Variants in LRRC37A2 observed in about 807,000 individuals in gnomAD.
LRRC37A2 encodes the protein leucine-rich repeat-containing protein 37A2.
A neutral mutation model predicts 68.8 loss-of-function variants in LRRC37A2; 9 were observed. That is an observed-to-expected ratio of 0.13 (90% CI 0.08 to 0.23). The LOEUF is 0.23. Among genes scored for constraint, LRRC37A2 ranks in the 10% least tolerant of loss-of-function variants. The probability of loss-of-function intolerance (pLI) is 1.00; values close to 1 mark genes in which losing one functional copy is unlikely to be tolerated. For missense variants in LRRC37A2, 168 were observed against 950.4 expected, an observed-to-expected ratio of 0.18 and a Z score of 10.82; for synonymous variants, 63 against 367.6, an observed-to-expected ratio of 0.17 and a Z score of 9.48.
At chr17:46,676,239 T>C in the LRRC37A2 span, among the ~76,000 whole-genome samples, 12,767 of 142,118 alleles carry the variant, frequency 0.09, no homozygotes, top group Non-Finnish European at 0.14. Flanking sequence ...TCTTCTTTTT[T>C]TTTTTTTTTT....
At chr17:46,970,998 A>G in the LRRC37A2 span, among the ~76,000 whole-genome samples, 1 of 152,230 alleles carries the variant, frequency 6.6e-6, no homozygotes, top group Non-Finnish European at 1.5e-5. Context: ...GAATGTGGCT[A>G]CTGTTTGCCA....
the LRRC37A2 span, among the ~76,000 whole-genome samples, chr17:46,760,435 A>C: frequency 6.6e-6 from 1 of 151,758 alleles, no homozygotes; most frequent in Non-Finnish European, 1.5e-5. Flanking sequence ...GTTCAAGACC[A>C]GCCTGAGCAA....
At chr17:46,850,140 G>A in the LRRC37A2 span, among the ~76,000 whole-genome samples, 5 of 152,164 alleles carry the variant, frequency 3.3e-5, no homozygotes, top group African/African-American at 9.7e-5. Flanking sequence ...ATGAGCCAAC[G>A]TGCCTGGCCA....
At chr17:46,885,033 G>C in the LRRC37A2 span, 2 of 438,994 alleles carry the variant, frequency 4.6e-6, no homozygotes, top group South Asian at 3.3e-5. Flanking sequence ...TTGTTGCGCA[G>C]GTTGGAGTGC....
downstream of LRRC37A2, chr17:46,558,785 T>C (rs1193605626): frequency 2.2e-5 from 3 of 134,712 alleles, no homozygotes; most frequent in African/African-American, 8.5e-5. Flanking sequence ...GCCTCCCTTC[T>C]AACTCACACT....
At chr17:46,818,630 G>C in the LRRC37A2 span, 4 of 1,562,390 alleles carry the variant, frequency 2.6e-6, no homozygotes, top group Non-Finnish European at 3.5e-6. Flanking sequence ...GTTTGCCCGC[G>C]ACCATGAAGA....
chr17:46,534,203 T>G (rs1393904356), intron 6 of LRRC37A2, among the ~76,000 whole-genome samples: 1 of 138,334 alleles, frequency 7.2e-6, no homozygotes, highest in East Asian at 2.0e-4. Context: ...TTTTGTTTTT[T>G]TTAATTTTTT....
At chr17:46,722,168 G>A in the LRRC37A2 span, 1 of 1,611,408 alleles carries the variant, frequency 6.2e-7, no homozygotes, top group Non-Finnish European at 8.5e-7. Context: ...AACTGAACAT[G>A]GCTTTCTCCT....
the LRRC37A2 span, among the ~76,000 whole-genome samples, chr17:46,837,430 T>C: frequency 6.6e-6 from 1 of 152,106 alleles, no homozygotes; most frequent in Admixed American, 6.6e-5. Flanking sequence ...GGGACTGATG[T>C]TGGGGAATCA....
the LRRC37A2 span, among the ~76,000 whole-genome samples, chr17:47,011,975 T>A: frequency 7.9e-5 from 12 of 152,214 alleles, no homozygotes; most frequent in Non-Finnish European, 1.8e-4. Context: ...TTTTTTTCTA[T>A]GCAATGAATA....
the LRRC37A2 span, among the ~76,000 whole-genome samples, chr17:46,971,352 A>G: frequency 1.3e-5 from 2 of 152,078 alleles, no homozygotes; most frequent in Non-Finnish European, 2.9e-5. Context: ...TAATTAATTA[A>G]TTAATTAAAA....
chr17:46,890,223 T>C, the LRRC37A2 span, among the ~76,000 whole-genome samples: 2 of 152,242 alleles, frequency 1.3e-5, no homozygotes, highest in South Asian at 4.2e-4. Flanking sequence ...TTAGAGCCCA[T>C]TACGTTCCTT....
the LRRC37A2 span, chr17:46,923,405 G>C: frequency 6.9e-7 from 1 of 1,447,264 alleles, no homozygotes; most frequent in Non-Finnish European, 9.1e-7. Flanking sequence ...ACAGACAGTG[G>C]GTTCAGGCTG....
the LRRC37A2 span, among the ~76,000 whole-genome samples, chr17:46,817,941 G>A: frequency 6.6e-6 from 1 of 152,074 alleles, no homozygotes; most frequent in African/African-American, 2.4e-5. Context: ...GGCTCAAGAT[G>A]AATCTAGAGC....
chr17:46,905,168 T>C, the LRRC37A2 span, among the ~76,000 whole-genome samples: 1 of 151,204 alleles, frequency 6.6e-6, no homozygotes, highest in Non-Finnish European at 1.5e-5. Flanking sequence ...GCCTCCCGGG[T>C]TCAAGCGATT....
At chr17:46,801,081 C>T in the LRRC37A2 span, among the ~76,000 whole-genome samples, 1 of 152,206 alleles carries the variant, frequency 6.6e-6, no homozygotes, top group African/African-American at 2.4e-5. Flanking sequence ...TATATCCTTT[C>T]ATCCTCACAA....
the LRRC37A2 span, among the ~76,000 whole-genome samples, chr17:46,871,628 G>T: frequency 3.3e-5 from 5 of 152,186 alleles, no homozygotes; most frequent in African/African-American, 1.2e-4. Context: ...ACCCTAGGAG[G>T]TAGAGAAGAT....
At chr17:46,922,933 A>G in the LRRC37A2 span, 1 of 573,762 alleles carries the variant, frequency 1.7e-6, no homozygotes, top group Non-Finnish European at 3.1e-6. Flanking sequence ...TCCTGAGGCT[A>G]GCCTTCAGCG....
chr17:46,756,645 C>G, the LRRC37A2 span: 1 of 152,580 alleles, frequency 6.6e-6, no homozygotes, highest in Non-Finnish European at 1.5e-5. Flanking sequence ...TAATTAGTGT[C>G]CAACTCCAAG....
Sources: gnomAD v4.1 joint callset for allele counts (sites outside exome capture counted in the v4.1 genomes callset) on GRCh38, gnomAD v4.1.1 for gene constraint, MANE v1.5 for transcripts, NCBI Gene and HGNC (gene_info 2026-07-23, HGNC 2026-07-21) for gene names.